Variants in PCBP3 observed in about 807,000 individuals in gnomAD.
PCBP3 encodes poly(rC)-binding protein 3.
A neutral mutation model predicts 52.7 loss-of-function variants in PCBP3; 25 were observed. The ratio of observed to expected loss-of-function variants is 0.47; its 90% confidence interval spans 0.35 to 0.66. The LOEUF (loss-of-function observed/expected upper bound fraction) is 0.66. Ranked by LOEUF, PCBP3 falls within the 30% of genes least tolerant of loss-of-function variation. The pLI is 0.01. For missense variants in PCBP3, 391 were observed against 490.3 expected, an observed-to-expected ratio of 0.80 and a Z score of 1.91; for synonymous variants, 162 against 183.0, an observed-to-expected ratio of 0.89 and a Z score of 0.93.
intron 2 of PCBP3, among the ~76,000 whole-genome samples, chr21:45,685,915 CTTTTTTTT>C (rs1168054154): frequency 1.6e-5 from 2 of 125,458 alleles, no homozygotes; most frequent in Non-Finnish European, 3.3e-5. Context: ...GTAAGATGAA[CTTTTTTTT>C]TTTTTTTTTT....
In PCBP3 at chr21:45,656,974, A is replaced by G. The variant is rs558819824; in HGVS notation, c.-278-11900A>G. 1.1e-4 allele frequency among the ~76,000 whole-genome samples: 17 copies of G among 152,198 alleles called. No individual in the cohort carries two copies. In the South Asian group the frequency reaches 1.7e-3, roughly 15 times the overall value. On this transcript the variant is annotated intron_variant, in intron 1 of 17. Coordinates refer to ENST00000681687, the MANE Select transcript of PCBP3 (RefSeq NM_001384156.1). The surrounding 1 kb of genome is among the most constrained non-coding windows in gnomAD (Gnocchi z 4.3). ...GTAGCTGGGACTACAGGTGCCCGCC[A>G]CTGCGCCTGGCTAATTTTTTGTATT...
At chr21:45,728,963 A>G (rs1021953491) in intron 2 of PCBP3, among the ~76,000 whole-genome samples, 1 of 152,212 alleles carries the variant, frequency 6.6e-6, no homozygotes, top group Non-Finnish European at 1.5e-5. Flanking sequence ...AAAGTGTACA[A>G]TTTGGTGCAT....
At chr21:45,723,146 T>C (rs577667728) in intron 2 of PCBP3, among the ~76,000 whole-genome samples, 4 of 152,348 alleles carry the variant, frequency 2.6e-5, no homozygotes, top group East Asian at 3.9e-4. Flanking sequence ...TTCTGTTCTT[T>C]CCAGCTTTCT....
chr21:45,746,119 G>A (rs539332186), intron 3 of PCBP3, among the ~76,000 whole-genome samples: 6 of 136,358 alleles, frequency 4.4e-5, no homozygotes, highest in Non-Finnish European at 7.7e-5. Flanking sequence ...GTCCACTGAC[G>A]TAGCGCACAC....
intron 3 of PCBP3, among the ~76,000 whole-genome samples, chr21:45,739,349 A>C (rs954716603): frequency 4.8e-4 from 18 of 37,328 alleles, no homozygotes; most frequent in East Asian, 1.4e-3. Context: ...TCAACAGCCC[A>C]CCCCTTCCTG....
chr21:45,855,601 G>A (rs950999405), intron 5 of PCBP3, among the ~76,000 whole-genome samples: 2 of 152,212 alleles, frequency 1.3e-5, no homozygotes, highest in African/African-American at 4.8e-5. Context: ...AGATATAAAT[G>A]CTCTCTCTGG....
Position 45,791,750 on chromosome 21 carries a change from G to A in PCBP3, c.-126+36298G>A, listed in dbSNP as rs866771155. ...TTGGTTTCCCTGGTAACTGCCAACC[G>A]CTTGACTGACTGCACAGCAAGTGTT... On this transcript the variant is annotated intron_variant, in intron 4 of 17. Transcript: ENST00000681687. The surrounding 1 kb of genome is among the most constrained non-coding windows in gnomAD (Gnocchi z 4.2). Among the ~76,000 whole-genome samples, 12 of 152,246 alleles carry A rather than the reference G, an allele frequency of 7.9e-5. No homozygotes were observed. Among genetic ancestry groups the A allele is most frequent in the South Asian group, 2.1e-4 (1 of 4,834 alleles).
rs574800132 is a variant in PCBP3, at chr21:45,825,002, C to T, written c.-125-24959C>T. Among the ~76,000 whole-genome samples the T allele has an allele frequency of 3.3e-4, 51 of 152,344 alleles. 2 individuals are homozygous for T. In the South Asian group the frequency reaches 9.9e-3, roughly 30 times the overall value. ...TTCCTCCTGAGAAAACATTGACAAG[C>T]CTGCAAGCCCTGCACCCTGCAGGTG... On this transcript the variant is annotated intron_variant, in intron 4 of 17. Transcript: ENST00000681687.
At chr21:45,696,419 AGAT>A (rs2082777474) in intron 2 of PCBP3, among the ~76,000 whole-genome samples, 1 of 152,120 alleles carries the variant, frequency 6.6e-6, no homozygotes, top group Admixed American at 6.5e-5. Context: ...CACCAAGAAA[AGAT>A]GTTTGCAATA....
At chr21:45,713,589 G>C (rs1190634020) in intron 2 of PCBP3, among the ~76,000 whole-genome samples, 2 of 152,222 alleles carry the variant, frequency 1.3e-5, no homozygotes, top group Non-Finnish European at 2.9e-5. Context: ...GCATGTACCT[G>C]ACCCTCTTCT....
intron 2 of PCBP3, among the ~76,000 whole-genome samples, chr21:45,720,969 G>C (rs1351946328): frequency 6.6e-6 from 1 of 152,226 alleles, no homozygotes; most frequent in Admixed American, 6.5e-5. Context: ...GGCCCTTTCA[G>C]CTGCCACTTT....
intron 5 of PCBP3, among the ~76,000 whole-genome samples, chr21:45,887,801 A>G (rs1460953830): frequency 6.6e-6 from 1 of 152,224 alleles, no homozygotes; most frequent in Admixed American, 6.5e-5. Flanking sequence ...GGCTGCAACT[A>G]CTACGCACTC....
intron 5 of PCBP3, among the ~76,000 whole-genome samples, chr21:45,861,691 G>A (rs1227634421): frequency 2.0e-5 from 3 of 152,218 alleles, no homozygotes; most frequent in Admixed American, 1.3e-4. Flanking sequence ...CCTGCCCAGT[G>A]GAGAGGAATG....
chr21:45,696,588 C>G (rs184236994), intron 2 of PCBP3, among the ~76,000 whole-genome samples: 2 of 152,150 alleles, frequency 1.3e-5, no homozygotes, highest in East Asian at 1.9e-4. Flanking sequence ...GTCAAGAGAT[C>G]GAGACCATCC....
chr21:45,864,620 C>T (rs931273749), intron 5 of PCBP3, among the ~76,000 whole-genome samples: 1 of 152,106 alleles, frequency 6.6e-6, no homozygotes, highest in Admixed American at 6.5e-5. Flanking sequence ...TGTGGTGTGT[C>T]GACCATCGCT....
chr21:45,858,854 G>A (rs2094406107), intron 5 of PCBP3: 1 of 152,174 alleles, frequency 6.6e-6, no homozygotes, highest in African/African-American at 2.4e-5. Context: ...CTGTTCTCGT[G>A]ATAGTGAGTA....
At chr21:45,782,116 C>G (rs1335286311) in intron 4 of PCBP3, among the ~76,000 whole-genome samples, 1 of 151,992 alleles carries the variant, frequency 6.6e-6, no homozygotes, top group African/African-American at 2.4e-5. Flanking sequence ...TCCATAGTCT[C>G]AATTATTTTT....
chr21:45,849,584 A>G (rs1269093633), intron 4 of PCBP3, among the ~76,000 whole-genome samples: 2 of 152,364 alleles, frequency 1.3e-5, no homozygotes, highest in African/African-American at 2.4e-5. Flanking sequence ...TTTGTTCACT[A>G]TCAGTGAAAT....
intron 4 of PCBP3, among the ~76,000 whole-genome samples, chr21:45,846,405 C>T (rs1291799977): frequency 6.6e-6 from 1 of 151,444 alleles, no homozygotes; most frequent in Admixed American, 6.6e-5. Context: ...TCTTTGTGCC[C>T]TAATACAAGC....
Sources: allele counts gnomAD v4.1 joint callset (sites outside exome capture counted in the v4.1 genomes callset), GRCh38; gene constraint gnomAD v4.1.1; non-coding constraint Gnocchi (gnomAD v3.1); transcripts MANE v1.5; gene names NCBI Gene and HGNC (gene_info 2026-07-23, HGNC 2026-07-21).